SORCS2: variants seen among roughly 807,000 people sequenced by gnomAD.
SORCS2 encodes sortilin related VPS10 domain containing receptor 2, also known as VPS10 domain-containing receptor SorCS2.
In SORCS2, 100 loss-of-function variants were observed where a neutral mutation model predicts 141.6. The observed-to-expected ratio is 0.71, with a 90% CI of 0.60 to 0.83. SORCS2 has a LOEUF of 0.83. SORCS2 is among the 40% of genes least tolerant of loss of function. SORCS2 has a pLI of 0.00. For missense variants in SORCS2, 1,646 were observed against 1,560.2 expected, an observed-to-expected ratio of 1.05 and a Z score of -0.93; for synonymous variants, 789 against 676.9, an observed-to-expected ratio of 1.17 and a Z score of -2.57.
intron 14 of SORCS2, among the ~76,000 whole-genome samples, chr4:7,711,842 G>A (rs565824446): frequency 6.6e-6 from 1 of 152,306 alleles, no homozygotes; most frequent in East Asian, 1.9e-4. Flanking sequence ...CATGGATGCC[G>A]CAGGGTGCCT....
intron 1 of SORCS2, among the ~76,000 whole-genome samples, chr4:7,282,403 C>T (rs1174159110): frequency 1.3e-5 from 2 of 152,162 alleles, no homozygotes; most frequent in African/African-American, 4.8e-5. Context: ...ATGCATAAGC[C>T]TGTATAATAC....
chr4:7,314,771 C>A (rs973835962), intron 1 of SORCS2, among the ~76,000 whole-genome samples: 2 of 148,654 alleles, frequency 1.3e-5, no homozygotes, highest in African/African-American at 5.0e-5. Context: ...AGGGCATAGC[C>A]GGGCTCCCAG....
intron 3 of SORCS2, among the ~76,000 whole-genome samples, chr4:7,543,967 T>TCCATCCATCCAC (rs1713024612): frequency 1.4e-5 from 1 of 72,238 alleles, no homozygotes; most frequent in Non-Finnish European, 2.9e-5. Context: ...CATCCATCCA[T>TCCATCCATCCAC]CCATCCACCC....
intron 1 of SORCS2, among the ~76,000 whole-genome samples, chr4:7,277,662 G>T (rs893648907): frequency 1.6e-4 from 10 of 63,832 alleles, no homozygotes; most frequent in African/African-American, 5.5e-4. Flanking sequence ...CACTCCCTCC[G>T]GACTCTGAGC....
intron 2 of SORCS2, chr4:7,433,653 G>C: frequency 2.5e-6 from 4 of 1,609,598 alleles, no homozygotes; most frequent in Non-Finnish European, 3.4e-6. Context: ...TGCTCTCCAA[G>C]TTGTGGGAGG....
intron 5 of SORCS2, among the ~76,000 whole-genome samples, chr4:7,660,038 C>G (rs1177019563): frequency 6.6e-6 from 1 of 152,192 alleles, no homozygotes; most frequent in Non-Finnish European, 1.5e-5. Flanking sequence ...CATTCGGGAT[C>G]ATTCAAGATA....
At chr4:7,377,783 C>T (rs1412502344) in intron 1 of SORCS2, among the ~76,000 whole-genome samples, 2 of 152,118 alleles carry the variant, frequency 1.3e-5, no homozygotes, top group African/African-American at 4.8e-5. Flanking sequence ...TATAACAAGT[C>T]GGGCCAGTGA....
chr4:7,685,834 C>T (rs1577073292), intron 10 of SORCS2, among the ~76,000 whole-genome samples: 1 of 152,296 alleles, frequency 6.6e-6, no homozygotes, highest in South Asian at 2.1e-4. Context: ...CCTGCAGCCA[C>T]ACAGCCTCTC....
intron 2 of SORCS2, among the ~76,000 whole-genome samples, chr4:7,462,090 C>A (rs1310245679): frequency 6.6e-6 from 1 of 152,206 alleles, no homozygotes; most frequent in Non-Finnish European, 1.5e-5. Context: ...GAGAGGATGC[C>A]CAGAGAGCCA....
At chr4:7,505,179 C>G (rs1171224586) in intron 2 of SORCS2, among the ~76,000 whole-genome samples, 1 of 152,158 alleles carries the variant, frequency 6.6e-6, no homozygotes, top group Non-Finnish European at 1.5e-5. Flanking sequence ...AGCGTTGTGG[C>G]TTCTGAATTT....
At chr4:7,575,077 G>A (rs1198673348) in intron 3 of SORCS2, among the ~76,000 whole-genome samples, 1 of 152,128 alleles carries the variant, frequency 6.6e-6, no homozygotes, top group African/African-American at 2.4e-5. Context: ...CTGGCGGTGG[G>A]AGGACTGGGG....
intron 2 of SORCS2, among the ~76,000 whole-genome samples, chr4:7,471,939 T>C (rs914071767): frequency 6.6e-6 from 1 of 152,228 alleles, no homozygotes; most frequent in African/African-American, 2.4e-5. Context: ...CTAAGCCCTG[T>C]AGCCTAGTGG....
chr4:7,638,241 G>A (rs772687345), intron 3 of SORCS2, 87 bp from the exon 4 acceptor site: 132 of 1,419,318 alleles, frequency 9.3e-5, no homozygotes, highest in Non-Finnish European at 1.1e-4. Flanking sequence ...GGAGAGAGGC[G>A]CACCTGGCCC....
chr4:7,513,212 G>A (rs1025266876), intron 2 of SORCS2, among the ~76,000 whole-genome samples: 2 of 152,206 alleles, frequency 1.3e-5, no homozygotes, highest in Admixed American at 6.5e-5. Context: ...GTGAGAGAGC[G>A]CTACAGAAAA....
intron 2 of SORCS2, among the ~76,000 whole-genome samples, chr4:7,421,905 A>G (rs1726093023): frequency 1.1e-5 from 1 of 91,838 alleles, no homozygotes; most frequent in Admixed American, 1.1e-4. Context: ...GAGGGAGGGC[A>G]GGGGCTGGGG....
At chr4:7,412,181 G>A (rs777002546) in intron 2 of SORCS2, among the ~76,000 whole-genome samples, 3 of 152,288 alleles carry the variant, frequency 2.0e-5, no homozygotes, top group South Asian at 2.1e-4. Context: ...ACGGCCCATC[G>A]GGGCTCACCC....
At chr4:7,441,311 C>T (rs1053679085) in intron 2 of SORCS2, among the ~76,000 whole-genome samples, 1 of 152,102 alleles carries the variant, frequency 6.6e-6, no homozygotes, top group East Asian at 1.9e-4. Flanking sequence ...AGGCCAGGGT[C>T]GGGGCTGCTT....
At chr4:7,721,037 G>T (rs1726553280) in intron 18 of SORCS2, among the ~76,000 whole-genome samples, 1 of 152,220 alleles carries the variant, frequency 6.6e-6, no homozygotes, top group African/African-American at 2.4e-5. Flanking sequence ...ACCTGTATGT[G>T]TCTGTTCATA....
intron 3 of SORCS2, among the ~76,000 whole-genome samples, chr4:7,589,495 C>T (rs546886560): frequency 8.9e-4 from 136 of 152,250 alleles, no homozygotes; most frequent in South Asian, 4.6e-3. Flanking sequence ...CTCTACCTCC[C>T]GGGTTCAAGC....
Sources: gnomAD v4.1 joint callset for allele counts (sites outside exome capture counted in the v4.1 genomes callset) on GRCh38, gnomAD v4.1.1 for gene constraint, MANE v1.5 for transcripts, NCBI Gene and HGNC (gene_info 2026-07-23, HGNC 2026-07-21) for gene names.